Variants in DGLUCY observed in about 807,000 individuals in gnomAD.
DGLUCY encodes the protein D-glutamate cyclase, mitochondrial.
In DGLUCY, 58 loss-of-function variants were observed where a neutral mutation model predicts 58.5. That is an observed-to-expected ratio of 0.99 (90% CI 0.80 to 1.23). DGLUCY has a LOEUF of 1.23. Ranked by LOEUF, DGLUCY falls within the 50% of genes most tolerant of loss-of-function variation. The pLI is 0.00. For missense variants in DGLUCY, 779 were observed against 784.7 expected, an observed-to-expected ratio of 0.99 and a Z score of 0.09; for synonymous variants, 325 against 314.1, an observed-to-expected ratio of 1.03 and a Z score of -0.37.
chr14:91,061,184 G>T (rs1182612870), intron 1 of DGLUCY, among the ~76,000 whole-genome samples: 1 of 152,186 alleles, frequency 6.6e-6, no homozygotes, highest in Non-Finnish European at 1.5e-5. Context: ...CGATCCATGC[G>T]TGTGTGACAA....
At chr14:91,223,641 A>G in intron 13 of DGLUCY, 1 of 1,276,458 alleles carries the variant, frequency 7.8e-7, no homozygotes, top group East Asian at 5.6e-5. Context: ...GGGGGGATGG[A>G]GGAGGATCAA....
intron 12 of DGLUCY, among the ~76,000 whole-genome samples, chr14:91,209,229 C>G (rs1318530290): frequency 6.6e-6 from 1 of 152,126 alleles, no homozygotes; most frequent in East Asian, 1.9e-4. Context: ...TGCCACTGCA[C>G]TCCAACCTGG....
chr14:91,085,714 C>T (rs180855765), intron 1 of DGLUCY, among the ~76,000 whole-genome samples: 127 of 152,234 alleles, frequency 8.3e-4, no homozygotes, highest in African/African-American at 2.9e-3. Context: ...GGATCACAGG[C>T]GTGCACCACC....
intron 1 of DGLUCY, among the ~76,000 whole-genome samples, chr14:91,097,295 C>A (rs868618633): frequency 2.6e-5 from 4 of 152,022 alleles, no homozygotes; most frequent in Non-Finnish European, 5.9e-5. Context: ...ACTTGGGAGG[C>A]TGAGGTGAGA....
intron 1 of DGLUCY, among the ~76,000 whole-genome samples, chr14:91,135,204 G>T (rs1050474674): frequency 1.3e-5 from 2 of 152,138 alleles, no homozygotes; most frequent in Non-Finnish European, 2.9e-5. Context: ...GGGATTACAG[G>T]CATGAGTCAC....
chr14:91,160,260 AC>A lies in DGLUCY; in HGVS notation c.-29-3del. 6.5e-7 allele frequency: 1 copy of A among 1,542,334 alleles called. No homozygotes were observed. Among genetic ancestry groups the A allele is most frequent in the Non-Finnish European group, 9.0e-7 (1 of 1,115,346 alleles). On this transcript the variant is annotated splice_polypyrimidine_tract_variant and splice_region_variant and intron_variant, in intron 2 of 13. Transcript: ENST00000256324. Reference sequence around the variant, plus strand: ...CTAATTTGTTCCCTTTCCTTCCCTCACCCAGATTCTCTGCTACTTATTCAAG... The same window carrying A: ...CTAATTTGTTCCCTTTCCTTCCCTCACCAGATTCTCTGCTACTTATTCAAG...
At chr14:91,091,161 A>G (rs1289233316) in intron 1 of DGLUCY, 2 of 152,170 alleles carry the variant, frequency 1.3e-5, no homozygotes, top group African/African-American at 2.4e-5. Flanking sequence ...ATACAATACC[A>G]TACAATACAA....
chr14:91,098,852 C>T (rs938383847), intron 1 of DGLUCY, among the ~76,000 whole-genome samples: 1 of 152,244 alleles, frequency 6.6e-6, no homozygotes, highest in Non-Finnish European at 1.5e-5. Flanking sequence ...AGGGACTTTC[C>T]TTGTAAGCGC....
At chr14:91,092,655 C>T (rs1196378592) in intron 1 of DGLUCY, among the ~76,000 whole-genome samples, 1 of 152,182 alleles carries the variant, frequency 6.6e-6, no homozygotes, top group Non-Finnish European at 1.5e-5. Flanking sequence ...GAACTCCTTG[C>T]TGTAACGGTA....
At position 91,204,794 on chromosome 14, in the gene DGLUCY, C is replaced by T. The variant is rs114953496; in HGVS notation, c.1533C>T (p.Cys511=). 1.1e-3 allele frequency: 1,778 copies of T among 1,614,030 alleles called. 12 individuals are homozygous for T. In the Middle Eastern group the frequency reaches 0.021, roughly 19 times the overall value. ...TACGGCACGGGGATGTCATCGCCTG[C>T]GACGTGGAGGCTGACTTTGCCGTCA... The part of the protein sequence containing the change: ...RHIRHGDVIA[C]DVEADFAVIA... The change falls in exon 12 of 14, where the codon TGC becomes TGT. Residue 511 remains cysteine, a synonymous_variant. Transcript: ENST00000256324.
At chr14:91,222,447 C>T (rs1229143484) in intron 13 of DGLUCY, among the ~76,000 whole-genome samples, 2 of 152,090 alleles carry the variant, frequency 1.3e-5, no homozygotes, top group Admixed American at 6.5e-5. Flanking sequence ...AGAAGAGAAG[C>T]GAGAGGAAGA....
intron 4 of DGLUCY, among the ~76,000 whole-genome samples, chr14:91,169,135 G>A (rs920597117): frequency 6.6e-6 from 1 of 151,948 alleles, no homozygotes; most frequent in African/African-American, 2.4e-5. Context: ...AAAAAAGACT[G>A]GGACAGTGTC....
chr14:91,066,706 A>T (rs1343951511), intron 1 of DGLUCY, among the ~76,000 whole-genome samples: 1 of 152,194 alleles, frequency 6.6e-6, no homozygotes, highest in Non-Finnish European at 1.5e-5. Flanking sequence ...AAATACAATG[A>T]AAACAAAATG....
chr14:91,099,377 A>G (rs1036131900), intron 1 of DGLUCY, among the ~76,000 whole-genome samples: 1 of 152,150 alleles, frequency 6.6e-6, no homozygotes, highest in African/African-American at 2.4e-5. Context: ...TACAAAAAAT[A>G]CAAAAATTAG....
intron 12 of DGLUCY, among the ~76,000 whole-genome samples, chr14:91,209,491 C>T (rs1310978517): frequency 6.6e-6 from 1 of 151,892 alleles, no homozygotes; most frequent in Non-Finnish European, 1.5e-5. Context: ...GGGTGGATCA[C>T]GAGGTCAGGA....
chr14:91,114,323 T>G (rs1264927009), intron 1 of DGLUCY, 40 bp downstream of exon 1: 1 of 152,090 alleles, frequency 6.6e-6, no homozygotes, highest in Admixed American at 6.5e-5. Flanking sequence ...AGTCCCTCCC[T>G]CCGCCCCAGG....
At chr14:91,115,879 G>GGAAA (rs2044903876) in intron 1 of DGLUCY, among the ~76,000 whole-genome samples, 3 of 144,910 alleles carry the variant, frequency 2.1e-5, no homozygotes, top group Non-Finnish European at 4.7e-5. Flanking sequence ...CTCGGCTGGC[G>GGAAA]CTGTAGCTGC....
upstream of DGLUCY, among the ~76,000 whole-genome samples, chr14:91,107,825 G>A (rs2044617508): frequency 6.6e-6 from 1 of 152,154 alleles, no homozygotes; most frequent in Non-Finnish European, 1.5e-5. Flanking sequence ...GCTGGCGGGG[G>A]TGGGAGACAC....
chr14:91,200,589 T>G (rs933828127), intron 11 of DGLUCY, among the ~76,000 whole-genome samples: 2 of 152,118 alleles, frequency 1.3e-5, no homozygotes, highest in African/African-American at 4.8e-5. Flanking sequence ...TTTCAATTTT[T>G]TTTTTGAGAC....
Sources: gnomAD v4.1 joint callset for allele counts (sites outside exome capture counted in the v4.1 genomes callset) on GRCh38, gnomAD v4.1.1 for gene constraint, MANE v1.5 for transcripts, NCBI Gene and HGNC (gene_info 2026-07-23, HGNC 2026-07-21) for gene names.